Variants in RFTN2 observed in about 807,000 individuals in gnomAD.
RFTN2 encodes the protein raftlin family member 2, also known as raftlin-2.
A neutral mutation model predicts 52.7 loss-of-function variants in RFTN2; 34 were observed. The ratio of observed to expected loss-of-function variants is 0.64; its 90% CI spans 0.49 to 0.86. RFTN2 has a LOEUF of 0.86. Ranked by LOEUF, RFTN2 falls within the 40% of genes least tolerant of loss-of-function variation. The pLI, the probability that RFTN2 is intolerant of heterozygous loss-of-function variation, is 0.00. For synonymous variants in RFTN2, 203 were observed against 217.7 expected, an observed-to-expected ratio of 0.93 and a Z score of 0.59; for missense variants, 536 against 600.1, an observed-to-expected ratio of 0.89 and a Z score of 1.12.
intron 7 of RFTN2, among the ~76,000 whole-genome samples, chr2:197,612,711 T>C (rs1321804764): frequency 6.6e-6 from 1 of 152,252 alleles, no homozygotes; most frequent in Non-Finnish European, 1.5e-5. Context: ...TCCATGGTAA[T>C]GCAGCTTTAA....
In RFTN2 at chr2:197,573,927, C is replaced by G. The variant is rs550699478; in HGVS notation, c.1234-1647G>C. Among the ~76,000 whole-genome samples the G allele has an allele frequency of 7.9e-5, 12 of 152,304 alleles. No homozygotes were observed. The South Asian group carries it at 2.3e-3, about 29-fold the overall frequency. On this transcript the variant is annotated intron_variant, in intron 8 of 8. Transcript: ENST00000295049. Reference sequence around the variant, plus strand: ...TTTGGGCCTGTGGGTACACAGAAGTCAGGAAATGGGGTTTGGGAACCTCTG... The same window carrying G: ...TTTGGGCCTGTGGGTACACAGAAGTGAGGAAATGGGGTTTGGGAACCTCTG...
intron 6 of RFTN2, among the ~76,000 whole-genome samples, chr2:197,616,911 C>T (rs1387836067): frequency 6.6e-5 from 10 of 152,094 alleles, no homozygotes. Context: ...ATCCCTGAAA[C>T]AGCCTGTCAG....
intron 8 of RFTN2, among the ~76,000 whole-genome samples, chr2:197,589,783 T>C (rs1224347830): frequency 1.3e-5 from 2 of 152,232 alleles, no homozygotes; most frequent in East Asian, 3.8e-4. Context: ...ATATGAGTTT[T>C]TCTCTCCCAG....
At chr2:197,628,667 C>T (rs1449575368) in intron 5 of RFTN2, among the ~76,000 whole-genome samples, 1 of 152,078 alleles carries the variant, frequency 6.6e-6, no homozygotes, top group African/African-American at 2.4e-5. Context: ...AAACCAACCT[C>T]TAAATAGATG....
chr2:197,611,915 T>C (rs535995621), intron 7 of RFTN2, among the ~76,000 whole-genome samples: 2 of 152,324 alleles, frequency 1.3e-5, no homozygotes, highest in East Asian at 3.9e-4. Context: ...CATGTAGTTG[T>C]GCAGTTTTGA....
intron 3 of RFTN2, among the ~76,000 whole-genome samples, chr2:197,640,418 T>C (rs1237238472): frequency 6.6e-6 from 1 of 152,214 alleles, no homozygotes; most frequent in African/African-American, 2.4e-5. Context: ...CCGAGCCAGG[T>C]GCCGGATATA....
rs111540090 is a variant in RFTN2, at chr2:197,571,957, C to T, written c.*51G>A. ...AAAGTAATACAATAAGGTCAGTTGG[C>T]AATGATTTTAACAATTATTTACAGG... On this transcript the variant is annotated 3_prime_UTR_variant, in exon 9 of 9. Transcript: ENST00000295049. The T allele has an allele frequency of 4.5e-6, 7 of 1,562,598 alleles. No individual in the cohort carries two copies. The highest frequency in any genetic ancestry group is 4.1e-5 in the African/African-American group (3 of 73,924).
rs1046325678 is a variant in RFTN2, at chr2:197,570,435, A to G, written c.*1573T>C. On this transcript the variant is annotated 3_prime_UTR_variant, in exon 9 of 9. Transcript: ENST00000295049. Reference sequence around the variant, plus strand: ...TACATATCTGTTATATGTATAAAACATATTATATGAAGGCCAGGCATGGTG... The same window carrying G: ...TACATATCTGTTATATGTATAAAACGTATTATATGAAGGCCAGGCATGGTG... 2 of 152,230 alleles carry G rather than the reference A, an allele frequency of 1.3e-5. No homozygotes were observed. Among genetic ancestry groups the G allele is most frequent in the African/African-American group, 2.4e-5 (1 of 41,462 alleles). The allele number at this position is 152,230 out of a possible 1,614,324, so 9.4% of individuals were successfully genotyped here.
At chr2:197,594,442 T>C (rs2087765430) in intron 8 of RFTN2, among the ~76,000 whole-genome samples, 1 of 151,066 alleles carries the variant, frequency 6.6e-6, no homozygotes, top group African/African-American at 2.4e-5. Context: ...ATCCTCCCAC[T>C]TCAACATCCC....
intron 1 of RFTN2, among the ~76,000 whole-genome samples, chr2:197,669,375 C>T (rs1470021368): frequency 6.9e-6 from 1 of 144,394 alleles, no homozygotes; most frequent in Non-Finnish European, 1.5e-5. Context: ...TCCTATTCAG[C>T]CTTTTTTTTT....
intron 8 of RFTN2, among the ~76,000 whole-genome samples, chr2:197,577,837 G>T (rs907246901): frequency 6.6e-6 from 1 of 152,136 alleles, no homozygotes; most frequent in Non-Finnish European, 1.5e-5. Context: ...TCCTGCCTCA[G>T]CCTCCAGAGT....
chr2:197,577,025 G>A (rs1361551744), intron 8 of RFTN2, among the ~76,000 whole-genome samples: 1 of 152,176 alleles, frequency 6.6e-6, no homozygotes, highest in East Asian at 1.9e-4. Context: ...GAAGCTAATG[G>A]AAACTCAAAA....
At chr2:197,609,196 G>C (rs1229973115) in intron 7 of RFTN2, among the ~76,000 whole-genome samples, 14 of 152,128 alleles carry the variant, frequency 9.2e-5, no homozygotes, top group Admixed American at 8.5e-4. Flanking sequence ...CTAGATCCTT[G>C]AGGAATCGCC....
chr2:197,630,106 A>C (rs1197359775), intron 5 of RFTN2, among the ~76,000 whole-genome samples: 1 of 152,198 alleles, frequency 6.6e-6, no homozygotes, highest in Non-Finnish European at 1.5e-5. Context: ...TGGGTGCTCC[A>C]ATTCGTTTGG....
chr2:197,657,272 A>G (rs1248192267), intron 1 of RFTN2, among the ~76,000 whole-genome samples: 1 of 152,202 alleles, frequency 6.6e-6, no homozygotes, highest in Non-Finnish European at 1.5e-5. Flanking sequence ...TCCATCCCAA[A>G]GGAGACCTGT....
At position 197,596,053 on chromosome 2, in the gene RFTN2, T is replaced by C. The variant is rs183751104; in HGVS notation, c.1171A>G (p.Thr391Ala). 1 of 1,610,316 alleles carries C rather than the reference T, an allele frequency of 6.2e-7. No individual in the cohort carries two copies. Among genetic ancestry groups the C allele is most frequent in the Non-Finnish European group, 8.5e-7 (1 of 1,176,868 alleles). ...LRHDSEGNLATKQIVFLQRPV... is the reference protein window; with the variant it reads ...LRHDSEGNLAAKQIVFLQRPV... Reference sequence around the variant, plus strand: ...CTCTGAAGGAATACGATCTGCTTTGTAGCCAAATTCCCTTCACTGCAAATT... The same window carrying C: ...CTCTGAAGGAATACGATCTGCTTTGCAGCCAAATTCCCTTCACTGCAAATT... Residue 391 changes from threonine (T) to alanine (A), a missense_variant, in exon 8 of 9, where the codon ACA becomes GCA. Physicochemically the swap from Thr to Ala is moderately conservative, Grantham distance 58. Transcript: ENST00000295049.
intron 8 of RFTN2, chr2:197,587,868 G>C (rs1256585277): frequency 2.7e-6 from 1 of 374,148 alleles, no homozygotes; most frequent in Non-Finnish European, 5.4e-6. Flanking sequence ...AGCCCAACTA[G>C]TTCTTGGAGA....
At chr2:197,658,138 T>C (rs887545789) in intron 1 of RFTN2, among the ~76,000 whole-genome samples, 7 of 151,896 alleles carry the variant, frequency 4.6e-5, no homozygotes, top group African/African-American at 9.7e-5. Flanking sequence ...TATGTTTTTT[T>C]CCCCCTCATG....
intron 1 of RFTN2, among the ~76,000 whole-genome samples, chr2:197,659,947 C>T (rs531803700): frequency 3.3e-5 from 5 of 152,200 alleles, no homozygotes; most frequent in East Asian, 1.9e-4. Flanking sequence ...ATATTTTGTG[C>T]GAGCCAATAT....
Sources: gnomAD v4.1 joint callset for allele counts (sites outside exome capture counted in the v4.1 genomes callset) on GRCh38, gnomAD v4.1.1 for gene constraint, MANE v1.5 for transcripts, NCBI Gene and HGNC (gene_info 2026-07-23, HGNC 2026-07-21) for gene names.